The following DNAH12 variants were observed in gnomAD, a reference collection of about 807,000 sequenced individuals.
DNAH12 encodes the protein dynein axonemal heavy chain 12, also known as axonemal beta dynein heavy chain 12.
A neutral mutation model predicts 371.5 loss-of-function variants in DNAH12; 285 were observed. The observed-to-expected ratio is 0.77, with a 90% CI of 0.70 to 0.85. DNAH12 has a LOEUF of 0.85. Among genes scored for constraint, DNAH12 ranks in the 40% least tolerant of loss-of-function variants. The pLI, the probability that DNAH12 is intolerant of heterozygous loss-of-function variation, is 0.00. For missense variants in DNAH12, 3,611 were observed against 3,689.4 expected, an observed-to-expected ratio of 0.98 and a Z score of 0.55; for synonymous variants, 1,200 against 1,213.0, an observed-to-expected ratio of 0.99 and a Z score of 0.22.
chr3:57,446,411 AAAAT>A (rs1393260490), intron 26 of DNAH12, 122 bp downstream of exon 26: 3 of 1,423,042 alleles, frequency 2.1e-6, no homozygotes, highest in African/African-American at 1.4e-5. Context: ...CTTTACTCCT[AAAAT>A]GAAAGTCCAA....
chr3:57,433,657 T>C lies in DNAH12; in HGVS notation c.4827A>G (p.Pro1609=). The change falls in exon 31 of 74, where the codon CCA becomes CCG. Residue 1609 remains proline (P), a synonymous_variant. Transcript: ENST00000495027. The part of the protein sequence containing the change: ...TMGQLFGQFD[P]VSHEWTDGIV... The stretch of plus-strand genomic sequence containing the variant: ...ATATTTAGGTTACCTCATGAGACAC[T>C]GGGTCAAACTGTCCAAAAAGTTGGC... 6.5e-7 allele frequency: 1 copy of C among 1,547,182 alleles called. No homozygotes were observed. Among genetic ancestry groups the C allele is most frequent in the Non-Finnish European group, 8.7e-7 (1 of 1,145,948 alleles).
chr3:57,405,989 G>A, intron 40 of DNAH12, 37 bp from the exon 41 acceptor site: 1 of 1,506,532 alleles, frequency 6.6e-7, no homozygotes, highest in Non-Finnish European at 9.0e-7. Flanking sequence ...AAAATAAAAT[G>A]CTTATAATCA....
intron 2 of DNAH12, among the ~76,000 whole-genome samples, chr3:57,531,873 T>C (rs969521899): frequency 6.6e-6 from 1 of 152,044 alleles, no homozygotes; most frequent in Admixed American, 6.6e-5. Context: ...GTCAATTATC[T>C]TTTTCTAGGT....
At chr3:57,301,082 G>A (rs1372293378) in intron 70 of DNAH12, among the ~76,000 whole-genome samples, 2 of 151,900 alleles carry the variant, frequency 1.3e-5, no homozygotes, top group Admixed American at 6.6e-5. Context: ...TTGAGGTCAG[G>A]AGTGAGGCAC....
intron 29 of DNAH12, among the ~76,000 whole-genome samples, chr3:57,440,152 T>C (rs913234508): frequency 2.0e-5 from 3 of 152,156 alleles, no homozygotes; most frequent in African/African-American, 7.2e-5. Context: ...GAACTACCAT[T>C]TGACCCAGCA....
chr3:57,331,039 T>C (rs1326924667), intron 62 of DNAH12, among the ~76,000 whole-genome samples: 6 of 152,238 alleles, frequency 3.9e-5, no homozygotes, highest in Non-Finnish European at 7.3e-5. Flanking sequence ...TAGACATTTG[T>C]TGAGCTTCTA....
Position 57,371,941 on chromosome 3 carries a change from C to CAAAAAAAAAAAAAAAAAA in DNAH12, c.8759+3412_8759+3429dup, listed in dbSNP as rs1169602185. Among the ~76,000 whole-genome samples the CAAAAAAAAAAAAAAAAAA allele has an allele frequency of 3.0e-3, 77 of 25,848 alleles. 4 individuals are homozygous for CAAAAAAAAAAAAAAAAAA. Among genetic ancestry groups the CAAAAAAAAAAAAAAAAAA allele is most frequent in the African/African-American group, 4.7e-3 (21 of 4,496 alleles). The allele number at this position is 25,848 out of a possible 152,430, so 17.0% of individuals were successfully genotyped here. On this transcript the variant is annotated intron_variant, in intron 55 of 73. Transcript: ENST00000495027. ...TGTCAACCCAGAATTCTAAACTCAG[C>CAAAAAAAAAAAAAAAAAA]AAAAAAAAAAAAAAAAAAAAAAAAT...
intron 49 of DNAH12, among the ~76,000 whole-genome samples, chr3:57,383,088 A>G (rs1041951093): frequency 6.6e-6 from 1 of 152,272 alleles, no homozygotes; most frequent in East Asian, 1.9e-4. Context: ...CAGTGTAGGA[A>G]GCTCTGGAGG....
Position 57,457,931 on chromosome 3 carries a change from T to C in DNAH12, c.3126A>G (p.Pro1042=). The C allele has an allele frequency of 6.4e-7, 1 of 1,551,686 alleles. No homozygotes were observed. The highest frequency in any genetic ancestry group is 8.7e-7 in the Non-Finnish European group (1 of 1,146,990). The change falls in exon 22 of 74, where the codon CCA becomes CCG. Residue 1042 remains proline, a synonymous_variant. Transcript: ENST00000495027. ...SETKDPLRVQ[P]HLKKCFEGIA... ...TGCCCTCAAAGCATTTTTTTAAATG[T>C]GGCTGAACTCTAAGTGGATCTTTGG... is the stretch of plus-strand genomic sequence containing the variant.
At chr3:57,504,408 T>C (rs1398862535) in intron 8 of DNAH12, among the ~76,000 whole-genome samples, 1 of 151,930 alleles carries the variant, frequency 6.6e-6, no homozygotes, top group Non-Finnish European at 1.5e-5. Flanking sequence ...CACACACATA[T>C]ATATATACAT....
At position 57,293,735 on chromosome 3, in the gene DNAH12, GTTTTTT is replaced by G; in HGVS notation, c.*40_*45del. 1 of 1,117,838 alleles carries G rather than the reference GTTTTTT, an allele frequency of 8.9e-7. No individual in the cohort carries two copies. Among genetic ancestry groups the G allele is most frequent in the Non-Finnish European group, 1.2e-6 (1 of 814,826 alleles). The allele number at this position is 1,117,838 out of a possible 1,614,324, so 69.2% of individuals were successfully genotyped here. ...AATGTATATATTTTAAGTAGGACAG[GTTTTTT>G]TTTTTTTAAACTTTTGGATGTTTTA... On this transcript the variant is annotated 3_prime_UTR_variant, in exon 74 of 74. Transcript: ENST00000495027.
chr3:57,523,785 G>T lies in DNAH12; in HGVS notation c.252+18C>A. 1.3e-6 allele frequency: 2 copies of T among 1,579,392 alleles called. No individual in the cohort carries two copies. Among genetic ancestry groups the T allele is most frequent in the Non-Finnish European group, 1.7e-6 (2 of 1,166,084 alleles). The stretch of plus-strand genomic sequence containing the variant: ...ATGATATAAGGATAAACTTTTTAAC[G>T]AGAAAACATAAACTTACAGTTTGAG... On this transcript the variant is annotated intron_variant, in intron 3 of 73. Transcript: ENST00000495027.
chr3:57,435,098 C>T (rs112900266), intron 30 of DNAH12, among the ~76,000 whole-genome samples: 1,596 of 152,054 alleles, frequency 0.01, 21 homozygotes, highest in African/African-American at 0.036. Context: ...TAATATGGGC[C>T]GGGTGGCTCA....
At chr3:57,469,128 T>G in intron 16 of DNAH12, 149 bp from the exon 17 acceptor site, 1 of 693,736 alleles carries the variant, frequency 1.4e-6, no homozygotes, top group Non-Finnish European at 2.3e-6. Context: ...CAGGTAGAGC[T>G]GATGGTAGAA....
At chr3:57,342,409 G>C (rs1174468188) in intron 60 of DNAH12, among the ~76,000 whole-genome samples, 1 of 148,580 alleles carries the variant, frequency 6.7e-6, no homozygotes, top group African/African-American at 2.5e-5. Context: ...GGGAGGCTGA[G>C]GCAGGTGGAT....
At chr3:57,499,630 C>CAAAAAAAAAA (rs1220632097) in intron 11 of DNAH12, among the ~76,000 whole-genome samples, 605 of 14,856 alleles carry the variant, frequency 0.041, 159 homozygotes, top group Middle Eastern at 0.21. Context: ...ACCATCTCTA[C>CAAAAAAAAAA]AAAAAAAAAA....
chr3:57,418,983 C>A (rs1164186589), intron 37 of DNAH12, among the ~76,000 whole-genome samples: 1 of 152,086 alleles, frequency 6.6e-6, no homozygotes, highest in African/African-American at 2.4e-5. Flanking sequence ...TGGCATAGGA[C>A]ATAGGTGAAA....
chr3:57,456,955 T>G (rs116789488), intron 22 of DNAH12, among the ~76,000 whole-genome samples: 3,981 of 152,328 alleles, frequency 0.026, 71 homozygotes, highest in Non-Finnish European at 0.034. Flanking sequence ...ATTCTACTTT[T>G]CTCCCTATCT....
intron 47 of DNAH12, 139 bp downstream of exon 47, chr3:57,386,299 TGAA>T (rs2063498264): frequency 6.6e-6 from 1 of 152,202 alleles, no homozygotes; most frequent in Non-Finnish European, 1.5e-5. Context: ...AGAGTTGTTA[TGAA>T]GAATAACTGA....
Sources: gnomAD v4.1 joint callset for allele counts (sites outside exome capture counted in the v4.1 genomes callset) on GRCh38, gnomAD v4.1.1 for gene constraint, MANE v1.5 for transcripts, NCBI Gene and HGNC (gene_info 2026-07-23, HGNC 2026-07-21) for gene names.